Variants in FMN1 observed in about 807,000 individuals in gnomAD.
FMN1 encodes formin-1.
FMN1 carries 110 observed loss-of-function variants against 132.4 expected under a neutral mutation model. The observed-to-expected ratio is 0.83, with a 90% CI of 0.71 to 0.97. The LOEUF (loss-of-function observed/expected upper bound fraction) is 0.97. FMN1 is among the 50% of genes least tolerant of loss of function. The pLI is 0.00. For synonymous variants in FMN1, 722 were observed against 651.7 expected, an observed-to-expected ratio of 1.11 and a Z score of -1.64; for missense variants, 1,792 against 1,705.3, an observed-to-expected ratio of 1.05 and a Z score of -0.90.
chr15:33,128,393 CCCG>C (rs1158033026), intron 4 of FMN1, among the ~76,000 whole-genome samples: 10 of 152,144 alleles, frequency 6.6e-5, no homozygotes, highest in African/African-American at 2.2e-4. Context: ...ACTCCAACTG[CCCG>C]CCATTTGTTC....
At chr15:32,957,585 C>T (rs2029957930) in intron 9 of FMN1, among the ~76,000 whole-genome samples, 1 of 151,782 alleles carries the variant, frequency 6.6e-6, no homozygotes, top group Admixed American at 6.6e-5. Flanking sequence ...CTAGAGATTC[C>T]CATTTGCAAA....
intron 4 of FMN1, among the ~76,000 whole-genome samples, chr15:33,134,687 A>G (rs1030251940): frequency 6.6e-6 from 1 of 152,346 alleles, no homozygotes; most frequent in Admixed American, 6.5e-5. Flanking sequence ...ACATTCAGCT[A>G]TCTCACTTTT....
At chr15:32,839,740 C>T (rs942714753) in intron 17 of FMN1, among the ~76,000 whole-genome samples, 9 of 151,672 alleles carry the variant, frequency 5.9e-5, no homozygotes, top group African/African-American at 2.2e-4. Flanking sequence ...ACCGATTTCT[C>T]CTCAAAATAA....
chr15:33,066,431 A>G, intron 5 of FMN1: 1 of 1,184,708 alleles, frequency 8.4e-7, no homozygotes, highest in Non-Finnish European at 1.2e-6. Flanking sequence ...GGCAACTAGG[A>G]TTCACTTTGG....
chr15:32,924,745 C>A (rs1410437107), intron 10 of FMN1, among the ~76,000 whole-genome samples: 1 of 152,158 alleles, frequency 6.6e-6, no homozygotes, highest in Non-Finnish European at 1.5e-5. Flanking sequence ...CATGGAGAAG[C>A]CCCATCTCTA....
chr15:32,993,835 C>CAG (rs1230202361), intron 7 of FMN1, among the ~76,000 whole-genome samples: 1 of 147,174 alleles, frequency 6.8e-6, no homozygotes, highest in Non-Finnish European at 1.5e-5. Flanking sequence ...TGGACAGCTG[C>CAG]AGTACTCCCT....
chr15:33,116,176 A>G (rs773074092), intron 4 of FMN1, among the ~76,000 whole-genome samples: 1 of 152,224 alleles, frequency 6.6e-6, no homozygotes, highest in Non-Finnish European at 1.5e-5. Flanking sequence ...CCCCATTTAT[A>G]CAGAAAAAAG....
intron 16 of FMN1, among the ~76,000 whole-genome samples, chr15:32,875,734 T>C (rs2059621190): frequency 6.6e-6 from 1 of 152,222 alleles, no homozygotes; most frequent in South Asian, 2.1e-4. Flanking sequence ...AGAATCTCTC[T>C]GTGGATTGTG....
intron 10 of FMN1, among the ~76,000 whole-genome samples, chr15:32,922,161 CCTGA>C (rs2060843499): frequency 6.6e-6 from 1 of 152,060 alleles, no homozygotes. Flanking sequence ...GATGTTAGAG[CCTGA>C]TCTTATGTGC....
In FMN1 at chr15:32,772,708, C is replaced by T. The variant is rs1278936827; in HGVS notation, c.*1602G>A. The T allele has an allele frequency of 6.6e-6, 1 of 152,218 alleles. No individual in the cohort carries two copies. Among genetic ancestry groups the T allele is most frequent in the Non-Finnish European group, 1.5e-5 (1 of 68,054 alleles). The allele number at this position is 152,218 out of a possible 1,614,324, so 9.4% of individuals were successfully genotyped here. On this transcript the variant is annotated 3_prime_UTR_variant, in exon 21 of 21. Coordinates refer to ENST00000616417, the MANE Select transcript of FMN1 (RefSeq NM_001277313.2). ...GCGGTTAGCACCTGCATGAATATGG[C>T]TTCTGTGACTTGATTTGATCCTGAC...
rs115409764 is a variant in FMN1 at position 33,127,261 on chromosome 15, C to T, written c.1867+25787G>A. ...TCATCACTACCTAACCACAGATCTC[C>T]CTCCTTATTCTTCACAACAAGAATC... is the stretch of plus-strand genomic sequence containing the variant. On this transcript the variant is annotated intron_variant, in intron 4 of 20. Coordinates refer to ENST00000616417, the MANE Select transcript of FMN1 (RefSeq NM_001277313.2). Among the ~76,000 whole-genome samples the T allele has an allele frequency of 2.8e-3, 432 of 152,218 alleles. 5 individuals carry two copies. Among genetic ancestry groups the T allele is most frequent in the African/African-American group, 0.01 (417 of 41,528 alleles).
At chr15:32,871,081 C>T (rs1306393980) in intron 16 of FMN1, among the ~76,000 whole-genome samples, 1 of 152,138 alleles carries the variant, frequency 6.6e-6, no homozygotes, top group Non-Finnish European at 1.5e-5. Context: ...CCTAGGCAGG[C>T]AGCCCAGGCA....
chr15:32,868,570 ATGT>A (rs979680764), intron 16 of FMN1, among the ~76,000 whole-genome samples: 1 of 152,186 alleles, frequency 6.6e-6, no homozygotes, highest in African/African-American at 2.4e-5. Context: ...ACATGACTGT[ATGT>A]ATGTATATGT....
intron 10 of FMN1, among the ~76,000 whole-genome samples, chr15:32,922,227 G>C (rs921301838): frequency 6.6e-6 from 1 of 152,162 alleles, no homozygotes; most frequent in Non-Finnish European, 1.5e-5. Flanking sequence ...CAGTTTTATG[G>C]AAGGAAAGAA....
chr15:33,064,426 G>C (rs1192132129), intron 6 of FMN1: 7 of 152,248 alleles, frequency 4.6e-5, no homozygotes, highest in African/African-American at 1.7e-4. Flanking sequence ...AAAGTTCCTA[G>C]GCAGGTTTCC....
intron 7 of FMN1, among the ~76,000 whole-genome samples, chr15:32,989,024 AT>A (rs1293503917): frequency 1.3e-5 from 2 of 152,172 alleles, no homozygotes; most frequent in Non-Finnish European, 2.9e-5. Flanking sequence ...ACTGTCAAAA[AT>A]ATCTTTTAAA....
At chr15:33,127,744 G>C (rs147817798) in intron 4 of FMN1, among the ~76,000 whole-genome samples, 1 of 152,176 alleles carries the variant, frequency 6.6e-6, no homozygotes, top group Non-Finnish European at 1.5e-5. Flanking sequence ...TGTAATGATA[G>C]GGGAAACCAA....
intron 4 of FMN1, among the ~76,000 whole-genome samples, chr15:33,149,620 C>A (rs1465201359): frequency 6.6e-6 from 1 of 152,152 alleles, no homozygotes; most frequent in African/African-American, 2.4e-5. Context: ...TAGCAACATA[C>A]TTTATGTCAA....
intron 20 of FMN1, among the ~76,000 whole-genome samples, chr15:32,776,376 G>A (rs74011958): frequency 0.15 from 22,440 of 152,150 alleles, 1,754 homozygotes; most frequent in Middle Eastern, 0.21. Context: ...CCCAGAATCT[G>A]GTCCTGGCTT....
Sources: gnomAD v4.1 joint callset for allele counts (sites outside exome capture counted in the v4.1 genomes callset) on GRCh38, gnomAD v4.1.1 for gene constraint, MANE v1.5 for transcripts, NCBI Gene and HGNC (gene_info 2026-07-23, HGNC 2026-07-21) for gene names.